SLC25A48: variants seen among roughly 807,000 people sequenced by gnomAD.
SLC25A48 encodes the protein solute carrier family 25 member 48, also known as CTC-321K16.1.
A neutral mutation model predicts 32.2 loss-of-function variants in SLC25A48; 29 were observed. That is an observed-to-expected ratio of 0.90 (90% CI 0.67 to 1.23). The LOEUF is 1.23. Among genes scored for constraint, SLC25A48 ranks in the 50% most tolerant of loss-of-function variants. The pLI, the probability that SLC25A48 is intolerant of heterozygous loss-of-function variation, is 0.00. For missense variants in SLC25A48, 399 were observed against 422.7 expected, an observed-to-expected ratio of 0.94 and a Z score of 0.49; for synonymous variants, 164 against 172.3, an observed-to-expected ratio of 0.95 and a Z score of 0.38.
chr5:135,582,653 C>T (rs557026059), intron 1 of SLC25A48, among the ~76,000 whole-genome samples: 31 of 152,282 alleles, frequency 2.0e-4, no homozygotes, highest in Admixed American at 1.4e-3. Context: ...CCCAGCAGTG[C>T]GCACCCAATC....
In SLC25A48 at chr5:135,775,233, G is replaced by A. The variant is rs1400321257; in HGVS notation, c.-520-37290G>A. 2.6e-5 allele frequency among the ~76,000 whole-genome samples: 4 copies of A among 151,536 alleles called. No homozygotes were observed. The East Asian group carries it at 7.8e-4, about 29-fold the overall frequency. The stretch of plus-strand genomic sequence containing the variant: ...GATATTGTTTCTAACATATAGGGTG[G>A]GAGAGAATGATATTACTCCCAATAT... On this transcript the variant is annotated intron_variant, in intron 3 of 10. Transcript: ENST00000646290.
chr5:135,778,846 C>T (rs542064336), intron 3 of SLC25A48, among the ~76,000 whole-genome samples: 915 of 5,298 alleles, frequency 0.17, 24 homozygotes, highest in African/African-American at 0.34. Context: ...CACACCCCCC[C>T]CGCCCCGCCG....
At chr5:135,763,951 C>T (rs577422937) in intron 3 of SLC25A48, among the ~76,000 whole-genome samples, 69 of 152,318 alleles carry the variant, frequency 4.5e-4, no homozygotes, top group African/African-American at 1.5e-3. Flanking sequence ...CAGTTCACTG[C>T]AACTTCTGTC....
At chr5:135,740,263 G>A (rs1428432954) in intron 3 of SLC25A48, among the ~76,000 whole-genome samples, 2 of 151,930 alleles carry the variant, frequency 1.3e-5, no homozygotes, top group Non-Finnish European at 2.9e-5. Context: ...GGGTGATCTC[G>A]GCTCACTGCA....
intron 3 of SLC25A48, among the ~76,000 whole-genome samples, chr5:135,687,329 C>G (rs1270644167): frequency 6.6e-6 from 1 of 152,144 alleles, no homozygotes; most frequent in African/African-American, 2.4e-5. Context: ...AAGCTTAATC[C>G]TCTATGATTT....
intron 3 of SLC25A48, among the ~76,000 whole-genome samples, chr5:135,725,506 C>T (rs531942158): frequency 2.0e-5 from 3 of 152,318 alleles, no homozygotes; most frequent in African/African-American, 7.2e-5. Context: ...AGATTTTATT[C>T]TAGGTTCAGC....
intron 4 of SLC25A48, among the ~76,000 whole-genome samples, chr5:135,863,450 A>G (rs1251244972): frequency 9.9e-5 from 15 of 152,200 alleles, no homozygotes. Context: ...ATAACATTAG[A>G]TGCAAACACC....
chr5:135,865,733 C>G (rs978110231), intron 4 of SLC25A48, among the ~76,000 whole-genome samples: 53 of 152,248 alleles, frequency 3.5e-4, no homozygotes, highest in African/African-American at 1.2e-3. Context: ...AGAGGCAAGC[C>G]ATACTAGGGG....
At chr5:135,668,336 T>G (rs565403513) in intron 3 of SLC25A48, among the ~76,000 whole-genome samples, 1 of 152,264 alleles carries the variant, frequency 6.6e-6, no homozygotes, top group South Asian at 2.1e-4. Context: ...TAACCTTATA[T>G]CCATAAAATA....
intron 3 of SLC25A48, among the ~76,000 whole-genome samples, chr5:135,758,109 G>A (rs1394629890): frequency 6.7e-6 from 1 of 150,220 alleles, no homozygotes; most frequent in East Asian, 2.0e-4. Flanking sequence ...AATATCATCT[G>A]TATATTTATA....
At chr5:135,612,335 C>CCCCAA (rs142302829) in intron 1 of SLC25A48, among the ~76,000 whole-genome samples, 14,186 of 152,196 alleles carry the variant, frequency 0.093, 666 homozygotes, top group South Asian at 0.15. Context: ...ATGATCAAAT[C>CCCCAA]AGTGTTGTTG....
chr5:135,809,261 T>C (rs1757540480), intron 3 of SLC25A48, among the ~76,000 whole-genome samples: 1 of 152,178 alleles, frequency 6.6e-6, no homozygotes, highest in African/African-American at 2.4e-5. Context: ...ATCATGCCAC[T>C]ACACTCCAGC....
chr5:135,785,752 G>GT (rs1756826573), intron 3 of SLC25A48, among the ~76,000 whole-genome samples: 7 of 147,586 alleles, frequency 4.7e-5, no homozygotes, highest in African/African-American at 1.5e-4. Context: ...TGGGGCGGGG[G>GT]TGAAACATCC....
intron 3 of SLC25A48, among the ~76,000 whole-genome samples, chr5:135,763,790 C>CACACACACACACACACACACGA (rs1554072856): frequency 6.6e-6 from 1 of 151,198 alleles, no homozygotes; most frequent in Non-Finnish European, 1.5e-5. Flanking sequence ...CACACACACA[C>CACACACACACACACACACACGA]GAGAGAGAGA....
At chr5:135,595,605 G>T (rs1751631497) in intron 1 of SLC25A48, among the ~76,000 whole-genome samples, 1 of 152,220 alleles carries the variant, frequency 6.6e-6, no homozygotes, top group Non-Finnish European at 1.5e-5. Context: ...CAGAAAGGAG[G>T]GGGTGAAGAG....
At chr5:135,634,168 G>A (rs1013210424) in intron 2 of SLC25A48, among the ~76,000 whole-genome samples, 1 of 152,204 alleles carries the variant, frequency 6.6e-6, no homozygotes, top group Non-Finnish European at 1.5e-5. Context: ...TGGTGTGGGG[G>A]TGCTGTGTGT....
intron 3 of SLC25A48, among the ~76,000 whole-genome samples, chr5:135,685,511 C>T (rs1329958994): frequency 6.7e-6 from 1 of 149,652 alleles, no homozygotes; most frequent in Non-Finnish European, 1.5e-5. Flanking sequence ...TGGCGCACTG[C>T]AACCTCTGCC....
intron 1 of SLC25A48, among the ~76,000 whole-genome samples, chr5:135,621,384 A>G (rs908289483): frequency 5.3e-5 from 8 of 152,344 alleles, no homozygotes; most frequent in Admixed American, 2.0e-4. Context: ...CAAAATTCTA[A>G]AAGGATTTTT....
chr5:135,605,192 T>C (rs1751905451), intron 1 of SLC25A48, among the ~76,000 whole-genome samples: 1 of 152,256 alleles, frequency 6.6e-6, no homozygotes, highest in Non-Finnish European at 1.5e-5. Context: ...TATAACATTC[T>C]CTATTTTCTA....
Sources: gnomAD v4.1 joint callset for allele counts (sites outside exome capture counted in the v4.1 genomes callset) on GRCh38, gnomAD v4.1.1 for gene constraint, MANE v1.5 for transcripts, NCBI Gene and HGNC (gene_info 2026-07-23, HGNC 2026-07-21) for gene names.